G3BP1: variants seen among roughly 807,000 people sequenced by gnomAD.
G3BP1 encodes the protein G3BP stress granule assembly factor 1.
Under a neutral mutation model 58.6 loss-of-function variants are expected in G3BP1, and 35 were observed. The observed-to-expected ratio is 0.60, with a 90% CI of 0.46 to 0.79. G3BP1 has a LOEUF of 0.79. Ranked by LOEUF, G3BP1 falls within the 30% of genes least tolerant of loss-of-function variation. The pLI is 0.00. For missense variants in G3BP1, 523 were observed against 580.8 expected (o/e 0.90, Z 1.02); for synonymous variants, 191 against 195.4 (o/e 0.98, Z 0.19).
In G3BP1 at chr5:151,800,811, A is replaced by G. The variant is rs1486241895; in HGVS notation, c.1136A>G (p.Asn379Ser). ...LRINSGGKLPNFGFVVFDDSE... is the reference protein window; with the variant it reads ...LRINSGGKLPSFGFVVFDDSE... ...ATTAACAGTGGTGGGAAATTACCCA[A>G]TTTTGGTTTTGTTGTGTTTGATGAT... Residue 379 changes from asparagine to serine, a missense_variant, in exon 11 of 12, where the codon AAT becomes AGT. Coordinates refer to ENST00000356245, the MANE Select transcript of G3BP1 (RefSeq NM_005754.3). The G allele has an allele frequency of 5.6e-6, 9 of 1,613,174 alleles. No homozygotes were observed. The highest frequency in any genetic ancestry group is 7.6e-6 in the Non-Finnish European group (9 of 1,179,538).
At chr5:151,803,288 A>G (rs1762885690) in intron 11 of G3BP1, among the ~76,000 whole-genome samples, 1 of 152,134 alleles carries the variant, frequency 6.6e-6, no homozygotes, top group South Asian at 2.1e-4. Context: ...AGAAGGTGGC[A>G]ATTTTTTTTA....
intron 1 of G3BP1, among the ~76,000 whole-genome samples, chr5:151,776,502 C>T (rs1265279730): frequency 3.3e-5 from 5 of 151,870 alleles, no homozygotes; most frequent in African/African-American, 1.2e-4. Context: ...ATAAAGTTCC[C>T]CTCCTTAATT....
At chr5:151,802,397 T>C (rs1026523056) in intron 11 of G3BP1, among the ~76,000 whole-genome samples, 1 of 152,244 alleles carries the variant, frequency 6.6e-6, no homozygotes, top group Non-Finnish European at 1.5e-5. Flanking sequence ...CTTCACTAAT[T>C]TTTTGTGTGA....
In G3BP1 at chr5:151,799,923, C is replaced by T. The variant is rs1762821365; in HGVS notation, c.878C>T (p.Pro293Leu). 4 of 1,613,078 alleles carry T rather than the reference C, an allele frequency of 2.5e-6. No homozygotes were observed. Among genetic ancestry groups the T allele is most frequent in the Non-Finnish European group, 3.4e-6 (4 of 1,179,152 alleles). ...RPESKPESQI[P>L]PQRPQRDQRV... ...GAGTCTAAGCCTGAATCTCAGATTCCACCACAAAGACCTCAGCGGGATCAA... is the reference window on the plus strand; with the variant it reads ...GAGTCTAAGCCTGAATCTCAGATTCTACCACAAAGACCTCAGCGGGATCAA... Residue 293 changes from proline (P) to leucine (L), a missense_variant, in exon 9 of 12, where the codon CCA (proline) becomes CTA (leucine). Pro to Leu is a moderately conservative substitution (Grantham distance 98, BLOSUM62 -3). Coordinates refer to ENST00000356245, the MANE Select transcript of G3BP1 (RefSeq NM_005754.3).
intron 6 of G3BP1, among the ~76,000 whole-genome samples, chr5:151,795,830 T>C (rs754409940): frequency 5.3e-5 from 8 of 152,218 alleles, no homozygotes; most frequent in Non-Finnish European, 1.2e-4. Context: ...TAGTTTTTTC[T>C]TGGTGTTAAG....
intron 5 of G3BP1, among the ~76,000 whole-genome samples, chr5:151,795,227 G>A (rs1762729639): frequency 6.6e-6 from 1 of 152,176 alleles, no homozygotes; most frequent in Non-Finnish European, 1.5e-5. Flanking sequence ...AATGAGCCGA[G>A]ATCGCGCCAC....
Position 151,811,765 on chromosome 5 carries a change from A to G in G3BP1, c.*7674A>G, listed in dbSNP as rs1354453828. 3 of 152,184 alleles carry G rather than the reference A, an allele frequency of 2.0e-5. No individual in the cohort carries two copies. The highest frequency in any genetic ancestry group is 4.8e-5 in the African/African-American group (2 of 41,452). 9.4% of individuals were successfully genotyped at this position (152,184 alleles called of 1,614,324 possible). ...CAGTAAGAAGTAAAAATGTTACATT[A>G]AGGAAGCGATTGCTTAACACGCTGC... is the stretch of plus-strand genomic sequence containing the variant. On this transcript the variant is annotated 3_prime_UTR_variant, in exon 12 of 12. Coordinates refer to ENST00000356245, the MANE Select transcript of G3BP1 (RefSeq NM_005754.3).
rs1490680130 is a variant in G3BP1, at chr5:151,810,745, A to C, written c.*6654A>C. The C allele has an allele frequency of 6.6e-6, 1 of 152,136 alleles. No individual in the cohort carries two copies. The highest frequency in any genetic ancestry group is 6.5e-5 in the Admixed American group (1 of 15,276). The allele number at this position is 152,136 out of a possible 1,614,324, so 9.4% of individuals were successfully genotyped here. A position where few individuals can be genotyped will look rare whatever the true frequency, so the allele number is the denominator to read the frequency against. Reference sequence around the variant, plus strand: ...TAATATATTTCTGTTTTCATTCCCAAGGGAGGCCATGTCTGGAGATAGACC... The same window carrying C: ...TAATATATTTCTGTTTTCATTCCCACGGGAGGCCATGTCTGGAGATAGACC... On this transcript the variant is annotated 3_prime_UTR_variant, in exon 12 of 12. Transcript: ENST00000356245.
chr5:151,788,396 T>A (rs947102323), intron 2 of G3BP1, among the ~76,000 whole-genome samples: 20 of 151,828 alleles, frequency 1.3e-4, no homozygotes, highest in African/African-American at 4.8e-4. Flanking sequence ...AAAGCTGTTT[T>A]TACCCTTTCT....
At chr5:151,776,153 A>T (rs1762366056) in intron 1 of G3BP1, among the ~76,000 whole-genome samples, 1 of 152,162 alleles carries the variant, frequency 6.6e-6, no homozygotes, top group South Asian at 2.1e-4. Context: ...TGACCATGAC[A>T]CTTGATCTCA....
chr5:151,800,234 G>A lies in G3BP1; in HGVS notation c.972G>A (p.Glu324=). Residue 324 remains glutamate (E), a synonymous_variant, in exon 10 of 12, where the codon GAG becomes GAA. Transcript: ENST00000356245. Reference sequence around the variant, plus strand: ...CCTTTTAAGTCCGTGAGGCTGGTGAGCAAGGTGACATTGAACCCCGAAGAA... The same window carrying A: ...CCTTTTAAGTCCGTGAGGCTGGTGAACAAGGTGACATTGAACCCCGAAGAA... ...RGPRPIREAG[E]QGDIEPRRMV... is the part of the protein sequence containing the mutation. The A allele has an allele frequency of 1.2e-6, 2 of 1,612,562 alleles. No homozygotes were observed. The highest frequency in any genetic ancestry group is 2.2e-5 in the South Asian group (2 of 90,978).
At chr5:151,782,005 A>G (rs1268112991) in intron 1 of G3BP1, among the ~76,000 whole-genome samples, 1 of 151,124 alleles carries the variant, frequency 6.6e-6, no homozygotes, top group African/African-American at 2.4e-5. Flanking sequence ...TTTTTTTTTT[A>G]ACTCCTTTAG....
rs150650549 is a variant in G3BP1 at position 151,787,896 on chromosome 5, C to CGT, written c.95+1197_95+1198dup. 1,861 of 189,724 alleles carry CGT rather than the reference C, an allele frequency of 9.8e-3. 11 individuals carry two copies. Among genetic ancestry groups the CGT allele is most frequent in the African/African-American group, 0.032 (1,330 of 41,266 alleles). 11.8% of individuals were successfully genotyped at this position (189,724 alleles called of 1,614,324 possible). Reference sequence around the variant, plus strand: ...ATTGCTCTGACAATGGAATATATCTCGTGTGTGTGTGTGTGTGCATGTGTG... The same window carrying CGT: ...ATTGCTCTGACAATGGAATATATCTCGTGTGTGTGTGTGTGTGTGCATGTGTG... On this transcript the variant is annotated intron_variant, in intron 2 of 11. Transcript: ENST00000356245.
In G3BP1 at chr5:151,794,196, T is replaced by C. The variant is rs1762708557; in HGVS notation, c.389T>C (p.Ile130Thr). 6.2e-7 allele frequency: 1 copy of C among 1,610,906 alleles called. No individual in the cohort carries two copies. The highest frequency in any genetic ancestry group is 1.3e-5 in the African/African-American group (1 of 74,882). The stretch of plus-strand genomic sequence containing the variant: ...AATAAATTCTATGTTCACAATGATA[T>C]CTTCAGATACCAAGATGAGGTCTTT... Reference protein sequence around the residue: ...VANKFYVHNDIFRYQDEVFGG... With the variant: ...VANKFYVHNDTFRYQDEVFGG... The change falls in exon 5 of 12, where the codon ATC becomes ACC. Residue 130 changes from isoleucine (I) to threonine (T), a missense_variant. Physicochemically the swap from Ile to Thr is moderately conservative, Grantham distance 89. This residue lies in a region of G3BP1 where 398 missense variants were observed against 399.1 expected (regional missense o/e 1.00). Transcript: ENST00000356245.
chr5:151,804,704 CTG>C lies in G3BP1; in HGVS notation c.*615_*616del, dbSNP rs892565245. 36 of 149,400 alleles carry C rather than the reference CTG, an allele frequency of 2.4e-4. No individual in the cohort carries two copies. The highest frequency in any genetic ancestry group is 3.6e-3 in the Middle Eastern group (1 of 280). 9.3% of individuals were successfully genotyped at this position (149,400 alleles called of 1,614,324 possible). A position where few individuals can be genotyped will look rare whatever the true frequency, so the allele number is the denominator to read the frequency against. ...ATCACAAAACAATTCTAAAACCTAA[CTG>C]TTTTTACCATTGAAATTTAAATTGT... On this transcript the variant is annotated 3_prime_UTR_variant, in exon 12 of 12. Transcript: ENST00000356245.
rs536855677 is a variant in G3BP1, at chr5:151,803,380, TC to T, written c.1195-503del. Among the ~76,000 whole-genome samples, 294 of 152,118 alleles carry T rather than the reference TC, an allele frequency of 1.9e-3. 3 individuals are homozygous for T. The highest frequency in any genetic ancestry group is 6.8e-3 in the African/African-American group (284 of 41,498). ...GGCACGACCTTGGCTCACCACAACT[TC>T]CGCCACCCGGGTTCAAGTTGCACTC... On this transcript the variant is annotated intron_variant, in intron 11 of 11. Transcript: ENST00000356245.
intron 6 of G3BP1, 110 bp from the exon 7 acceptor site, chr5:151,797,117 G>T: frequency 9.9e-7 from 1 of 1,015,008 alleles, no homozygotes; most frequent in Non-Finnish European, 1.5e-6. Context: ...TTTTTGTTTT[G>T]GATAGAAGGA....
chr5:151,801,756 A>G (rs1762853772), intron 11 of G3BP1, among the ~76,000 whole-genome samples: 1 of 152,084 alleles, frequency 6.6e-6, no homozygotes, highest in African/African-American at 2.4e-5. Flanking sequence ...TAATAAAAAT[A>G]CTGCAGATCA....
chr5:151,778,529 C>T (rs1002639524), intron 1 of G3BP1, among the ~76,000 whole-genome samples: 8 of 152,068 alleles, frequency 5.3e-5, no homozygotes, highest in African/African-American at 1.7e-4. Context: ...ACAACCTCTG[C>T]CTCCTGGGTT....
Sources: gnomAD v4.1 joint callset for allele counts (sites outside exome capture counted in the v4.1 genomes callset) on GRCh38, gnomAD v4.1.1 for gene constraint, gnomAD v4.1.1 regional missense constraint, MANE v1.5 for transcripts, NCBI Gene and HGNC (gene_info 2026-07-23, HGNC 2026-07-21) for gene names.